The following PBRM1 variants were observed in gnomAD, a reference collection of about 807,000 sequenced individuals.
The protein encoded by PBRM1 is protein polybromo-1.
In PBRM1, 27 loss-of-function variants were observed where a neutral mutation model predicts 194.5. That is an observed-to-expected ratio of 0.14 (90% confidence interval 0.10 to 0.19). The LOEUF is 0.19. Ranked by LOEUF, PBRM1 falls within the 10% of genes least tolerant of loss-of-function variation. The pLI is 1.00. For missense variants in PBRM1, 1,466 were observed against 2,077.2 expected, an observed-to-expected ratio of 0.71 and a Z score of 5.72; for synonymous variants, 655 against 693.2, an observed-to-expected ratio of 0.94 and a Z score of 0.87.
At chr3:52,676,238 T>A (rs990252176) in intron 2 of PBRM1, among the ~76,000 whole-genome samples, 1 of 145,218 alleles carries the variant, frequency 6.9e-6, no homozygotes, top group Non-Finnish European at 1.5e-5. Context: ...GCTAAAACTA[T>A]AAAACTCTTA....
At chr3:52,655,612 T>C (rs2096593972) in intron 5 of PBRM1, among the ~76,000 whole-genome samples, 1 of 152,216 alleles carries the variant, frequency 6.6e-6, no homozygotes, top group Admixed American at 6.5e-5. Context: ...CATATGGTAA[T>C]TCCATGTTTA....
chr3:52,657,809 C>G (rs150412945), intron 5 of PBRM1, among the ~76,000 whole-genome samples: 2 of 136,078 alleles, frequency 1.5e-5, no homozygotes, highest in Non-Finnish European at 3.1e-5. Flanking sequence ...AAATTTGAGA[C>G]GGAGTTTCGC....
At chr3:52,549,877 C>T (rs2080454844) in intron 29 of PBRM1, among the ~76,000 whole-genome samples, 1 of 151,046 alleles carries the variant, frequency 6.6e-6, no homozygotes, top group African/African-American at 2.5e-5. Context: ...TGCACTCCAG[C>T]CTGGGCGACA....
At chr3:52,663,948 T>A (rs1450704698) in intron 3 of PBRM1, among the ~76,000 whole-genome samples, 1 of 151,592 alleles carries the variant, frequency 6.6e-6, no homozygotes, top group Non-Finnish European at 1.5e-5. Context: ...TAGTCCCAGC[T>A]ACTTGGGAGG....
intron 10 of PBRM1, among the ~76,000 whole-genome samples, chr3:52,636,006 G>A (rs1346180203): frequency 1.3e-5 from 2 of 152,106 alleles, no homozygotes; most frequent in African/African-American, 4.8e-5. Context: ...TGGGACTACA[G>A]GCATGTGCCA....
intron 11 of PBRM1, among the ~76,000 whole-genome samples, chr3:52,633,269 A>G (rs187922902): frequency 6.6e-6 from 1 of 152,138 alleles, no homozygotes; most frequent in East Asian, 1.9e-4. Context: ...CAATAGAATC[A>G]TTCAGTATTT....
At chr3:52,592,208 A>G (rs2093152306) in intron 17 of PBRM1, among the ~76,000 whole-genome samples, 1 of 146,258 alleles carries the variant, frequency 6.8e-6, no homozygotes, top group Non-Finnish European at 1.5e-5. Flanking sequence ...ATCTTGGCTC[A>G]CTGCAGTCTG....
chr3:52,612,874 C>T (rs867875941), intron 15 of PBRM1, among the ~76,000 whole-genome samples: 15 of 130,098 alleles, frequency 1.2e-4, no homozygotes, highest in Middle Eastern at 4.0e-3. Context: ...CCACTGCACT[C>T]CAGCCTGGGC....
intron 26 of PBRM1, 102 bp from the exon 29 acceptor site, chr3:52,554,981 C>T (rs753013588): frequency 1.7e-5 from 14 of 825,636 alleles, no homozygotes; most frequent in Non-Finnish European, 2.5e-5. Flanking sequence ...ATAAAGCACC[C>T]TTAGTACTGC....
At chr3:52,665,559 G>C (rs533270975) in intron 3 of PBRM1, among the ~76,000 whole-genome samples, 1 of 152,188 alleles carries the variant, frequency 6.6e-6, no homozygotes, top group Non-Finnish European at 1.5e-5. Context: ...CAGGAGGTGA[G>C]CAGCAGGCAA....
chr3:52,645,116 C>T (rs1329569055), intron 7 of PBRM1, among the ~76,000 whole-genome samples: 1 of 152,202 alleles, frequency 6.6e-6, no homozygotes, highest in African/African-American at 2.4e-5. Context: ...CAGTGGATGC[C>T]TGAAACCTTG....
chr3:52,550,679 C>T, intron 28 of PBRM1, 42 bp from the exon 31 acceptor site: 2 of 1,579,298 alleles, frequency 1.3e-6, no homozygotes, highest in Non-Finnish European at 1.7e-6. Context: ...AAAAGAGACT[C>T]TGCACATGTT....
At chr3:52,577,012 C>G in intron 21 of PBRM1, among the ~76,000 whole-genome samples, 1 of 152,174 alleles carries the variant, frequency 6.6e-6, no homozygotes, top group East Asian at 1.9e-4. Flanking sequence ...GAAAACAGAA[C>G]TAAGCATTTG....
At chr3:52,642,301 G>A (rs1189301595) in intron 9 of PBRM1, among the ~76,000 whole-genome samples, 1 of 152,022 alleles carries the variant, frequency 6.6e-6, no homozygotes, top group Non-Finnish European at 1.5e-5. Flanking sequence ...CTTCTAAGAT[G>A]TTCATATTTT....
At chr3:52,683,528 T>G (rs1015663692), upstream of PBRM1, among the ~76,000 whole-genome samples, 3 of 152,056 alleles carry the variant, frequency 2.0e-5, no homozygotes, top group Admixed American at 6.5e-5. Context: ...AAAAGTGCAC[T>G]TAGGGCCAGG....
At chr3:52,660,991 CTTTTT>C (rs1014862832) in intron 4 of PBRM1, among the ~76,000 whole-genome samples, 1 of 152,086 alleles carries the variant, frequency 6.6e-6, no homozygotes, top group African/African-American at 2.4e-5. Flanking sequence ...CTCTACTATT[CTTTTT>C]TCTCTTTTCA....
chr3:52,594,656 G>C (rs939658639), intron 17 of PBRM1, among the ~76,000 whole-genome samples: 1 of 152,090 alleles, frequency 6.6e-6, no homozygotes, highest in Admixed American at 6.6e-5. Flanking sequence ...AATCTTGTTT[G>C]TGTTGTGTCA....
exon 20 of PBRM1, chr3:52,586,544 C>T (rs936829713): frequency 3.1e-6 from 5 of 1,614,110 alleles, no homozygotes; most frequent in Non-Finnish European, 4.2e-6. Flanking sequence ...GGCAGAGGCA[C>T]ATCCCGAGGG....
chr3:52,630,498 A>G (rs986255789), intron 11 of PBRM1, among the ~76,000 whole-genome samples: 1 of 152,232 alleles, frequency 6.6e-6, no homozygotes, highest in Non-Finnish European at 1.5e-5. Flanking sequence ...TGTCTATCAC[A>G]TTGGAATATT....
Sources: gnomAD v4.1 joint callset for allele counts (sites outside exome capture counted in the v4.1 genomes callset) on GRCh38, gnomAD v4.1.1 for gene constraint, MANE v1.5 for transcripts, NCBI Gene and HGNC (gene_info 2026-07-23, HGNC 2026-07-21) for gene names.